The following C8orf34 variants were observed in gnomAD, a reference collection of about 807,000 sequenced individuals.
The protein encoded by C8orf34 is uncharacterized protein C8orf34.
Under a neutral mutation model 68.3 loss-of-function variants are expected in C8orf34, and 65 were observed. The observed-to-expected ratio is 0.95, with a 90% CI of 0.78 to 1.17. The LOEUF is 1.17. Among genes scored for constraint, C8orf34 ranks in the 50% most tolerant of loss-of-function variants. The pLI, the probability that C8orf34 is intolerant of heterozygous loss-of-function variation, is 0.00. For synonymous variants in C8orf34, 244 were observed against 241.2 expected, an observed-to-expected ratio of 1.01 and a Z score of -0.11; for missense variants, 664 against 655.4, an observed-to-expected ratio of 1.01 and a Z score of -0.14.
At chr8:68,534,354 A>G (rs1030166006) in intron 7 of C8orf34, 2 of 982,032 alleles carry the variant, frequency 2.0e-6, no homozygotes, top group Non-Finnish European at 2.4e-6. Context: ...GCTTCATTCA[A>G]CAAACATTTA....
intron 10 of C8orf34, among the ~76,000 whole-genome samples, chr8:68,724,771 A>C (rs1207587673): frequency 6.6e-6 from 1 of 152,238 alleles, no homozygotes; most frequent in Admixed American, 6.5e-5. Flanking sequence ...ATGACCTCTT[A>C]GCTTCATAAA....
chr8:68,462,688 A>G (rs572012803), intron 3 of C8orf34, among the ~76,000 whole-genome samples: 75 of 152,230 alleles, frequency 4.9e-4, no homozygotes, highest in Non-Finnish European at 7.1e-4. Context: ...CTCCTGAATG[A>G]CTACTGGGTA....
At chr8:68,762,528 A>G (rs933548900) in intron 10 of C8orf34, among the ~76,000 whole-genome samples, 3 of 152,190 alleles carry the variant, frequency 2.0e-5, no homozygotes, top group African/African-American at 7.2e-5. Flanking sequence ...TGGCTTTTAG[A>G]TTCCCAGACT....
At chr8:68,704,532 C>T (rs951919523) in intron 8 of C8orf34, among the ~76,000 whole-genome samples, 12 of 152,202 alleles carry the variant, frequency 7.9e-5, no homozygotes, top group African/African-American at 2.6e-4. Flanking sequence ...GAAGCCATAA[C>T]TCATCTTGTA....
Position 68,787,530 on chromosome 8 carries a change from G to A in C8orf34, c.1543G>A (p.Glu515Lys), listed in dbSNP as rs1381441376. The A allele has an allele frequency of 3.1e-6, 5 of 1,603,670 alleles. No homozygotes were observed. The highest frequency in any genetic ancestry group is 2.2e-5 in the East Asian group (1 of 44,568). Reference sequence around the variant, plus strand: ...AAGTGAAGGAGTGGAAGCAGAACAAGAGAAACGTGAGTAGACACTATTGTT... The same window carrying A: ...AAGTGAAGGAGTGGAAGCAGAACAAAAGAAACGTGAGTAGACACTATTGTT... ...TESEGVEAEQ[E>K]KRSADLLLCV... Residue 515 changes from glutamate to lysine, a missense_variant, in exon 12 of 14, where the codon GAG (glutamate) becomes AAG (lysine). Transcript: ENST00000518698.
intron 7 of C8orf34, among the ~76,000 whole-genome samples, chr8:68,614,120 AC>A (rs1818116334): frequency 6.6e-6 from 1 of 152,064 alleles, no homozygotes; most frequent in South Asian, 2.1e-4. Context: ...TCCTTCGCCC[AC>A]TTTTTGATGG....
At chr8:68,342,103 T>C (rs1403966296) in intron 1 of C8orf34, among the ~76,000 whole-genome samples, 1 of 152,204 alleles carries the variant, frequency 6.6e-6, no homozygotes, top group East Asian at 1.9e-4. Context: ...ATGATAAGTA[T>C]GTGAGGTAAC....
chr8:68,746,049 T>A (rs1241775149), intron 10 of C8orf34, among the ~76,000 whole-genome samples: 2 of 152,086 alleles, frequency 1.3e-5, no homozygotes, highest in Admixed American at 1.3e-4. Context: ...CAGACCACAG[T>A]GCAATCAAAC....
chr8:68,343,746 A>G (rs972986803), intron 1 of C8orf34, among the ~76,000 whole-genome samples: 3 of 152,130 alleles, frequency 2.0e-5, no homozygotes, highest in Admixed American at 6.5e-5. Flanking sequence ...GGTATGCACC[A>G]TCATGCCCAG....
chr8:68,737,357 T>C (rs1360388321), intron 10 of C8orf34, among the ~76,000 whole-genome samples: 2 of 152,132 alleles, frequency 1.3e-5, no homozygotes, highest in Non-Finnish European at 2.9e-5. Flanking sequence ...GCCACAGTTA[T>C]GAGAGGCAGT....
intron 7 of C8orf34, among the ~76,000 whole-genome samples, chr8:68,629,189 C>T (rs187274373): frequency 3.3e-4 from 50 of 152,274 alleles, no homozygotes; most frequent in South Asian, 2.5e-3. Context: ...GCCAGATGGT[C>T]TATAGCTCCA....
At chr8:68,338,686 G>C (rs1805951092) in intron 1 of C8orf34, among the ~76,000 whole-genome samples, 1 of 152,056 alleles carries the variant, frequency 6.6e-6, no homozygotes, top group Non-Finnish European at 1.5e-5. Flanking sequence ...TTGCTGAGTT[G>C]TATTCCGTAT....
intron 10 of C8orf34, among the ~76,000 whole-genome samples, chr8:68,749,244 G>C (rs1016247329): frequency 1.3e-5 from 2 of 152,138 alleles, no homozygotes; most frequent in East Asian, 3.9e-4. Flanking sequence ...TTGTGGGGTG[G>C]GGGGAGCGGG....
At chr8:68,393,274 G>T (rs1407017330) in intron 1 of C8orf34, among the ~76,000 whole-genome samples, 1 of 152,054 alleles carries the variant, frequency 6.6e-6, no homozygotes, top group African/African-American at 2.4e-5. Context: ...CATATGATTT[G>T]ATTAAATATA....
intron 5 of C8orf34, among the ~76,000 whole-genome samples, chr8:68,501,701 C>A (rs1458206107): frequency 6.6e-6 from 1 of 152,098 alleles, no homozygotes. Context: ...CCATTTTTTG[C>A]TCATAAACAT....
intron 8 of C8orf34, among the ~76,000 whole-genome samples, chr8:68,700,750 A>C (rs1339346327): frequency 6.6e-6 from 1 of 152,084 alleles, no homozygotes; most frequent in Non-Finnish European, 1.5e-5. Flanking sequence ...TCCCCCATAA[A>C]TTTTTGATGT....
chr8:68,667,910 A>G (rs889246531), intron 8 of C8orf34, among the ~76,000 whole-genome samples: 1 of 152,202 alleles, frequency 6.6e-6, no homozygotes, highest in African/African-American at 2.4e-5. Context: ...AAAAATATGA[A>G]ACTGAATCAT....
intron 7 of C8orf34, among the ~76,000 whole-genome samples, chr8:68,575,439 T>A (rs949726305): frequency 6.6e-6 from 1 of 152,118 alleles, no homozygotes; most frequent in East Asian, 1.9e-4. Flanking sequence ...CCTGACGTAT[T>A]TGTGTTACAT....
intron 12 of C8orf34, among the ~76,000 whole-genome samples, chr8:68,802,010 A>C (rs994399612): frequency 3.3e-5 from 5 of 152,308 alleles, no homozygotes; most frequent in Admixed American, 6.5e-5. Flanking sequence ...ATGATAATAT[A>C]CATTCTATAT....
Sources: allele counts gnomAD v4.1 joint callset (sites outside exome capture counted in the v4.1 genomes callset), GRCh38; gene constraint gnomAD v4.1.1; transcripts MANE v1.5; gene names NCBI Gene and HGNC (gene_info 2026-07-23, HGNC 2026-07-21).